BICDL1: variants seen among roughly 807,000 people sequenced by gnomAD.
BICDL1 encodes BICD family like cargo adaptor 1.
Under a neutral mutation model 76.8 loss-of-function variants are expected in BICDL1, and 20 were observed. That is an observed-to-expected ratio of 0.26 (90% confidence interval 0.18 to 0.38). The LOEUF (loss-of-function observed/expected upper bound fraction) is 0.38, where lower values mean the gene tolerates loss of function less well. Ranked by LOEUF, BICDL1 falls within the 10% of genes least tolerant of loss-of-function variation. The pLI is 1.00. For synonymous variants in BICDL1, 383 were observed against 337.1 expected, an observed-to-expected ratio of 1.14 and a Z score of -1.49; for missense variants, 700 against 798.6, an observed-to-expected ratio of 0.88 and a Z score of 1.49.
chr12:120,058,590 CTT>C (rs1039285394), intron 2 of BICDL1, among the ~76,000 whole-genome samples: 33 of 136,084 alleles, frequency 2.4e-4, no homozygotes, highest in Non-Finnish European at 1.6e-4. Context: ...AAATTTTTTT[CTT>C]TTTTTTTTTT....
At chr12:120,006,808 T>C (rs1297745487) in intron 2 of BICDL1, among the ~76,000 whole-genome samples, 1 of 152,150 alleles carries the variant, frequency 6.6e-6, no homozygotes, top group Non-Finnish European at 1.5e-5. Context: ...CCAGGGGTTT[T>C]AGTCAGTGTG....
At chr12:120,088,729 C>T (rs905929651) in intron 8 of BICDL1, among the ~76,000 whole-genome samples, 4 of 151,512 alleles carry the variant, frequency 2.6e-5, no homozygotes, top group African/African-American at 7.3e-5. Context: ...TGCAGTGGCG[C>T]GATCTGGGCT....
chr12:120,013,081 C>T lies in BICDL1; in HGVS notation c.645+14345C>T, dbSNP rs552589494. Among the ~76,000 whole-genome samples the T allele has an allele frequency of 3.3e-5, 5 of 152,100 alleles. No individual in the cohort carries two copies. In the South Asian group the frequency reaches 1.0e-3, roughly 32 times the overall value. The stretch of plus-strand genomic sequence containing the variant: ...ATCCCAGCACTTTGGGAGGCCAAGG[C>T]GGGTGGATCACCTAAGGTCAGGAGT... On this transcript the variant is annotated intron_variant, in intron 2 of 9. Transcript: ENST00000548673.
intron 2 of BICDL1, among the ~76,000 whole-genome samples, chr12:120,027,182 C>T (rs543700939): frequency 3.3e-5 from 5 of 151,896 alleles, no homozygotes; most frequent in African/African-American, 1.2e-4. Context: ...AGGTGCACAC[C>T]ACCACACCTG....
chr12:120,071,677 A>C lies in BICDL1; in HGVS notation c.965A>C (p.Gln322Pro), dbSNP rs760080955. The C allele has an allele frequency of 1.9e-6, 3 of 1,612,518 alleles. 1 individual carries two copies. The South Asian group carries it at 3.3e-5, about 18-fold the overall frequency. The part of the protein sequence containing the change: ...QEVRLSCRQL[Q>P]VKVEELTEER... ...GTGCGTCTCTCCTGCCGACAGCTGC[A>C]GGTGAAGGTGGAAGAACTCACTGAG... The change falls in exon 5 of 10, where the codon CAG (glutamine) becomes CCG (proline). Residue 322 changes from glutamine to proline, a missense_variant. Coordinates refer to ENST00000548673, the MANE Select transcript of BICDL1 (RefSeq NM_001367886.1). This position sits in a 1 kb window ranked among gnomAD's most constrained non-coding sequence, Gnocchi z 4.8.
chr12:119,990,504 C>T (rs896451544), intron 1 of BICDL1, among the ~76,000 whole-genome samples: 1 of 152,194 alleles, frequency 6.6e-6, no homozygotes, highest in African/African-American at 2.4e-5. Context: ...GCAAATGGGT[C>T]CATGCGTGGC....
At chr12:120,002,852 A>G (rs928128790) in intron 2 of BICDL1, among the ~76,000 whole-genome samples, 1 of 152,026 alleles carries the variant, frequency 6.6e-6, no homozygotes, top group Non-Finnish European at 1.5e-5. Context: ...AGCTTTTTCT[A>G]CCTTAGAAAG....
At position 120,012,036 on chromosome 12, in the gene BICDL1, G is replaced by T. The variant is rs538619558; in HGVS notation, c.645+13300G>T. On this transcript the variant is annotated intron_variant, in intron 2 of 9. Coordinates refer to ENST00000548673, the MANE Select transcript of BICDL1 (RefSeq NM_001367886.1). ...TGGAAAGAAAATTAGTAGAGAGATA[G>T]TCTCACATGATGTGGTATATCATGT... 1.3e-4 allele frequency among the ~76,000 whole-genome samples: 20 copies of T among 152,330 alleles called. No individual in the cohort carries two copies. In the South Asian group the frequency reaches 4.1e-3, roughly 32 times the overall value.
At chr12:120,025,095 G>T (rs1399719495) in intron 2 of BICDL1, among the ~76,000 whole-genome samples, 3 of 149,540 alleles carry the variant, frequency 2.0e-5, no homozygotes, top group Non-Finnish European at 4.4e-5. Context: ...TGTCACCCAG[G>T]CTGGAGTGCA....
At chr12:120,018,994 G>T (rs964920748) in intron 2 of BICDL1, 1 of 147,598 alleles carries the variant, frequency 6.8e-6, no homozygotes, top group Non-Finnish European at 1.5e-5. Flanking sequence ...GCAGTGAGCC[G>T]AGATCCCGCC....
At position 120,071,656 on chromosome 12, in the gene BICDL1, G is replaced by A. The variant is rs771000745; in HGVS notation, c.944G>A (p.Arg315His). The A allele has an allele frequency of 8.1e-6, 13 of 1,611,238 alleles. No homozygotes were observed. The highest frequency in any genetic ancestry group is 6.7e-5 in the East Asian group (3 of 44,678). Residue 315 changes from arginine (R) to histidine (H), a missense_variant, in exon 5 of 10, where the codon CGT becomes CAT. Physicochemically the swap from Arg to His is conservative, Grantham distance 29. This residue lies in a region of BICDL1 where 455 missense variants were observed against 548.7 expected (regional missense o/e 0.83). Coordinates refer to ENST00000548673, the MANE Select transcript of BICDL1 (RefSeq NM_001367886.1). The surrounding 1 kb of genome is among the most constrained non-coding windows in gnomAD (Gnocchi z 4.8). Reference sequence around the variant, plus strand: ...AGCCAGCTGGAGCTTCAGGAGGTGCGTCTCTCCTGCCGACAGCTGCAGGTG... The same window carrying A: ...AGCCAGCTGGAGCTTCAGGAGGTGCATCTCTCCTGCCGACAGCTGCAGGTG... Reference protein sequence around the residue: ...HQSQLELQEVRLSCRQLQVKV... With the variant: ...HQSQLELQEVHLSCRQLQVKV...
chr12:120,022,799 C>G (rs1952210873), intron 2 of BICDL1, among the ~76,000 whole-genome samples: 2 of 151,938 alleles, frequency 1.3e-5, no homozygotes. Flanking sequence ...GCACCAGAAG[C>G]AGAAAATGAA....
Position 120,061,699 on chromosome 12 carries a change from C to T in BICDL1, c.646-11C>T, listed in dbSNP as rs1177915599. 6.3e-7 allele frequency: 1 copy of T among 1,591,048 alleles called. No homozygotes were observed. Among genetic ancestry groups the T allele is most frequent in the Non-Finnish European group, 8.6e-7 (1 of 1,159,022 alleles). On this transcript the variant is annotated splice_polypyrimidine_tract_variant and intron_variant, in intron 2 of 9. Transcript: ENST00000548673. ...CCTCCGAATCAGCTCTGCAGGTCTC[C>T]TCTGTTTCAGGCATCAGAAGTTGAG...
At chr12:120,066,352 T>C (rs538149385) in intron 4 of BICDL1, among the ~76,000 whole-genome samples, 2 of 152,132 alleles carry the variant, frequency 1.3e-5, no homozygotes, top group Admixed American at 1.3e-4. Flanking sequence ...AGAAGGAAAA[T>C]AAGTATGGAG....
intron 1 of BICDL1, among the ~76,000 whole-genome samples, chr12:119,992,026 G>T (rs1170595252): frequency 6.6e-6 from 1 of 152,150 alleles, no homozygotes; most frequent in Non-Finnish European, 1.5e-5. Context: ...TCAATTTTAA[G>T]TTCTGGAGAT....
Position 120,016,954 on chromosome 12 carries a change from A to G in BICDL1, c.645+18218A>G, listed in dbSNP as rs191560146. 3.5e-3 allele frequency among the ~76,000 whole-genome samples: 527 copies of G among 152,250 alleles called. 1 individual carries two copies. Among genetic ancestry groups the G allele is most frequent in the Non-Finnish European group, 5.1e-3 (349 of 68,024 alleles). ...CTCTCCCAGTCTGGAGTGCAGTGGC[A>G]CGATCTCGGCTCACTGCAAGCTCTG... On this transcript the variant is annotated intron_variant, in intron 2 of 9. Coordinates refer to ENST00000548673, the MANE Select transcript of BICDL1 (RefSeq NM_001367886.1).
At chr12:120,035,730 G>T (rs1407496926) in intron 2 of BICDL1, among the ~76,000 whole-genome samples, 1 of 151,926 alleles carries the variant, frequency 6.6e-6, no homozygotes, top group African/African-American at 2.4e-5. Flanking sequence ...TATAATAAAA[G>T]GAAAACCTTT....
At chr12:120,058,532 C>G (rs989138668) in intron 2 of BICDL1, among the ~76,000 whole-genome samples, 1 of 151,918 alleles carries the variant, frequency 6.6e-6, no homozygotes, top group Non-Finnish European at 1.5e-5. Flanking sequence ...TATATGCACT[C>G]AAACTGCAGC....
rs147560686 is a variant in BICDL1, at chr12:120,016,421, G to C, written c.645+17685G>C. 6.0e-3 allele frequency among the ~76,000 whole-genome samples: 889 copies of C among 147,692 alleles called. 39 individuals carry two copies. The East Asian group carries it at 0.076, about 13-fold the overall frequency. On this transcript the variant is annotated intron_variant, in intron 2 of 9. Coordinates refer to ENST00000548673, the MANE Select transcript of BICDL1 (RefSeq NM_001367886.1). ...TATTTAGGAGTGGAATTGCTATATG[G>C]TATGTCTGTAACCTTTTTTTTTTTT...
Sources: allele counts gnomAD v4.1 joint callset (sites outside exome capture counted in the v4.1 genomes callset), GRCh38; gene constraint gnomAD v4.1.1; regional missense constraint gnomAD v4.1.1; non-coding constraint Gnocchi (gnomAD v3.1); transcripts MANE v1.5; gene names NCBI Gene and HGNC (gene_info 2026-07-23, HGNC 2026-07-21).